Variants in PSORS1C1 observed in about 807,000 individuals in gnomAD.
PSORS1C1 encodes psoriasis susceptibility 1 candidate gene 1 protein.
PSORS1C1 carries 7 observed loss-of-function variants against 9.4 expected under a neutral mutation model. That is an observed-to-expected ratio of 0.75 (90% CI 0.42 to 1.40). The LOEUF (loss-of-function observed/expected upper bound fraction) is 1.40, where lower values mean the gene tolerates loss of function less well. Ranked by LOEUF, PSORS1C1 falls within the 40% of genes most tolerant of loss-of-function variation. The pLI, the probability that PSORS1C1 is intolerant of heterozygous loss-of-function variation, is 0.01. For synonymous variants in PSORS1C1, 63 were observed against 69.4 expected (o/e 0.91, Z 0.46); for missense variants, 146 against 178.1 (o/e 0.82, Z 1.02).
intron 3 of PSORS1C1, among the ~76,000 whole-genome samples, chr6:31,136,023 A>T (rs1773123311): frequency 6.6e-6 from 1 of 152,208 alleles, no homozygotes; most frequent in African/African-American, 2.4e-5. Flanking sequence ...ACTGCACTCC[A>T]GCCTGGATGA....
chr6:31,116,591 C>T, intron 1 of PSORS1C1: 2 of 1,613,700 alleles, frequency 1.2e-6, no homozygotes, highest in Non-Finnish European at 1.7e-6. Context: ...ATGGGGGGCC[C>T]AGCTGCAAAG....
intron 1 of PSORS1C1, among the ~76,000 whole-genome samples, chr6:31,119,669 C>G (rs1180157560): frequency 6.6e-6 from 1 of 152,092 alleles, no homozygotes; most frequent in African/African-American, 2.4e-5. Context: ...GAGGCTGAGG[C>G]GAGCGGATCA....
At chr6:31,117,406 C>G in intron 1 of PSORS1C1, 1 of 1,567,990 alleles carries the variant, frequency 6.4e-7, no homozygotes, top group Non-Finnish European at 8.6e-7. Context: ...ACTGCTGGAG[C>G]CACTGTAGCT....
chr6:31,117,694 T>G (rs1326544420), intron 1 of PSORS1C1: 2 of 641,330 alleles, frequency 3.1e-6, no homozygotes, highest in Non-Finnish European at 5.5e-6. Context: ...CTCTAAAGGA[T>G]ATTGAGGTGG....
chr6:31,139,402 C>T lies in PSORS1C1; in HGVS notation c.168-239C>T. ...ACTATTGGAAGCCAAAGAATGGGAG[C>T]AAACCACGCGATGGGCGTTGGGAAG... On this transcript the variant is annotated intron_variant, in intron 5 of 5. Transcript: ENST00000259881. The surrounding 1 kb of genome is among the most constrained non-coding windows in gnomAD (Gnocchi z 5.2). 3.4e-6 allele frequency: 2 copies of T among 595,008 alleles called. No homozygotes were observed. Among genetic ancestry groups the T allele is most frequent in the South Asian group, 4.1e-5 (2 of 48,326 alleles). 36.9% of individuals were successfully genotyped at this position (595,008 alleles called of 1,614,324 possible). A position where few individuals can be genotyped will look rare whatever the true frequency, so the allele number is the denominator to read the frequency against.
intron 1 of PSORS1C1, chr6:31,116,139 T>C (rs1313661661): frequency 6.2e-7 from 1 of 1,611,190 alleles, no homozygotes; most frequent in East Asian, 2.2e-5. Flanking sequence ...AGGGGATCTT[T>C]CCAGCACTGC....
rs2150980106 is a variant in PSORS1C1, at chr6:31,139,168, G to A, written c.167+389G>A. On this transcript the variant is annotated intron_variant, in intron 5 of 5. Coordinates refer to ENST00000259881, the MANE Select transcript of PSORS1C1 (RefSeq NM_014068.3). The surrounding 1 kb of genome is among the most constrained non-coding windows in gnomAD (Gnocchi z 5.2). ...CAGAACAGAACTGGTCAAACCCGTT[G>A]GGAAGGCCTGGGCTGATGTGTCACC... is the stretch of plus-strand genomic sequence containing the variant. 1 of 664,990 alleles carries A rather than the reference G, an allele frequency of 1.5e-6. No homozygotes were observed. The allele number at this position is 664,990 out of a possible 1,614,324, so 41.2% of individuals were successfully genotyped here. A position where few individuals can be genotyped will look rare whatever the true frequency, so the allele number is the denominator to read the frequency against.
chr6:31,116,761 G>A, intron 1 of PSORS1C1: 1 of 1,613,220 alleles, frequency 6.2e-7, no homozygotes, highest in Non-Finnish European at 8.5e-7. Context: ...AGAGGTGATT[G>A]GGGGACAGGG....
chr6:31,130,504 CG>C (rs1224512263), intron 3 of PSORS1C1, among the ~76,000 whole-genome samples: 1 of 151,922 alleles, frequency 6.6e-6, no homozygotes, highest in Non-Finnish European at 1.5e-5. Flanking sequence ...GTCCGCCTCC[CG>C]GGTTCACGCC....
intron 3 of PSORS1C1, among the ~76,000 whole-genome samples, chr6:31,134,448 G>A (rs942711270): frequency 2.0e-5 from 3 of 152,002 alleles, no homozygotes; most frequent in Non-Finnish European, 4.4e-5. Flanking sequence ...GACTACAGGC[G>A]CCGGCCACCA....
intron 2 of PSORS1C1, among the ~76,000 whole-genome samples, chr6:31,126,875 G>C (rs1351089110): frequency 6.6e-6 from 1 of 152,186 alleles, no homozygotes; most frequent in Non-Finnish European, 1.5e-5. Context: ...CTTCCTGGCT[G>C]TTTCCGTCAC....
At position 31,139,536 on chromosome 6, in the gene PSORS1C1, C is replaced by A. The variant is rs1409914386; in HGVS notation, c.168-105C>A. 5.4e-6 allele frequency: 6 copies of A among 1,117,740 alleles called. No homozygotes were observed. The Admixed American group carries it at 1.3e-4, about 24-fold the overall frequency. The allele number at this position is 1,117,740 out of a possible 1,614,324, so 69.2% of individuals were successfully genotyped here. A position where few individuals can be genotyped will look rare whatever the true frequency, so the allele number is the denominator to read the frequency against. On this transcript the variant is annotated intron_variant, in intron 5 of 5. Transcript: ENST00000259881. This position sits in a 1 kb window ranked among gnomAD's most constrained non-coding sequence, Gnocchi z 5.2. The stretch of plus-strand genomic sequence containing the variant: ...GTCAGCTACTACCCCAGCCTCCCCA[C>A]TCACCCCCGCACTGAAAGCTCCCCC...
intron 3 of PSORS1C1, among the ~76,000 whole-genome samples, chr6:31,137,370 C>T (rs3131010): frequency 0.094 from 14,236 of 151,898 alleles, 851 homozygotes; most frequent in East Asian, 0.14. Flanking sequence ...GGCAGAATAG[C>T]GTGAACCCGG....
intron 3 of PSORS1C1, chr6:31,137,702 G>C (rs1489128778): frequency 5.2e-6 from 2 of 386,652 alleles, no homozygotes; most frequent in African/African-American, 2.1e-5. Flanking sequence ...CCGAGGCCTG[G>C]AGGCGAGGTA....
At chr6:31,120,364 G>T (rs1772387526) in intron 1 of PSORS1C1, 2 of 1,593,254 alleles carry the variant, frequency 1.3e-6, no homozygotes, top group African/African-American at 2.7e-5. Flanking sequence ...CAGCAGCAGT[G>T]CCATCATCCC....
At position 31,115,996 on chromosome 6, in the gene PSORS1C1, A is replaced by G; in HGVS notation, c.-229+1105A>G. On this transcript the variant is annotated intron_variant, in intron 1 of 5. Transcript: ENST00000259881. This position sits in a 1 kb window ranked among gnomAD's most constrained non-coding sequence, Gnocchi z 4.2. ...TAGTGTATGTGCTTGTTTGTGCCCA[A>G]GGCATGCACACACACAACAGTTGAC... 1 of 1,583,014 alleles carries G rather than the reference A, an allele frequency of 6.3e-7. No individual in the cohort carries two copies. The highest frequency in any genetic ancestry group is 8.6e-7 in the Non-Finnish European group (1 of 1,159,368).
chr6:31,123,857 G>A (rs1027467355), intron 1 of PSORS1C1, among the ~76,000 whole-genome samples: 2 of 152,216 alleles, frequency 1.3e-5, no homozygotes, highest in Non-Finnish European at 2.9e-5. Context: ...GGGACACACA[G>A]CGTAAGACAG....
chr6:31,134,072 A>G (rs9468872), intron 3 of PSORS1C1, among the ~76,000 whole-genome samples: 36,383 of 151,774 alleles, frequency 0.24, 5,316 homozygotes, highest in African/African-American at 0.41. Context: ...TCTGCCTCCC[A>G]GGTTCAATGG....
In PSORS1C1 at chr6:31,129,582, G is replaced by A; in HGVS notation, c.-51G>A. 1.3e-6 allele frequency: 1 copy of A among 779,038 alleles called. No individual in the cohort carries two copies. The highest frequency in any genetic ancestry group is 2.4e-6 in the Non-Finnish European group (1 of 417,766). The allele number at this position is 779,038 out of a possible 1,614,324, so 48.3% of individuals were successfully genotyped here. A position where few individuals can be genotyped will look rare whatever the true frequency, so the allele number is the denominator to read the frequency against. On this transcript the variant is annotated 5_prime_UTR_variant, in exon 3 of 6. It introduces an in-frame stop codon into an upstream open reading frame of the 5' UTR. Coordinates refer to ENST00000259881, the MANE Select transcript of PSORS1C1 (RefSeq NM_014068.3). Reference sequence around the variant, plus strand: ...CTGCCATGTCAGCCTGGGAAGAATTGGTTTGCAGCCAGGCAGTCCTCCATC... The same window carrying A: ...CTGCCATGTCAGCCTGGGAAGAATTAGTTTGCAGCCAGGCAGTCCTCCATC...
Sources: gnomAD v4.1 joint callset for allele counts (sites outside exome capture counted in the v4.1 genomes callset) on GRCh38, gnomAD v4.1.1 for gene constraint, Gnocchi (gnomAD v3.1) non-coding constraint, MANE v1.5 for transcripts, NCBI Gene and HGNC (gene_info 2026-07-23, HGNC 2026-07-21) for gene names.